The following SERPINB5 variants were observed in gnomAD, a reference collection of about 807,000 sequenced individuals.
The protein encoded by SERPINB5 is serpin family B member 5.
SERPINB5 carries 27 observed loss-of-function variants against 32.2 expected under a neutral mutation model. That is an observed-to-expected ratio of 0.84 (90% confidence interval 0.62 to 1.16). SERPINB5 has a LOEUF of 1.16. Among genes scored for constraint, SERPINB5 ranks in the 50% most tolerant of loss-of-function variants. The probability of loss-of-function intolerance (pLI) is 0.00; values close to 1 mark genes in which losing one functional copy is unlikely to be tolerated. For missense variants in SERPINB5, 388 were observed against 436.3 expected (o/e 0.89, Z 0.99); for synonymous variants, 154 against 157.4 (o/e 0.98, Z 0.16).
Position 63,504,199 on chromosome 18 carries a change from C to T in SERPINB5, c.*477C>T, listed in dbSNP as rs1909634233. 1 of 164,880 alleles carries T rather than the reference C, an allele frequency of 6.1e-6. No homozygotes were observed. The highest frequency in any genetic ancestry group is 1.3e-5 in the Non-Finnish European group (1 of 77,364). 10.2% of individuals were successfully genotyped at this position (164,880 alleles called of 1,614,324 possible). The stretch of plus-strand genomic sequence containing the variant: ...TGCCCTGGCTCCAGTGAAACTTGGG[C>T]ACATGCTCAGGCTACTATAGGTCCA... On this transcript the variant is annotated 3_prime_UTR_variant, in exon 7 of 7. Transcript: ENST00000382771.
In SERPINB5 at chr18:63,499,299, G is replaced by T. The variant is rs1397295276; in HGVS notation, c.735+12G>T. 1 of 1,533,196 alleles carries T rather than the reference G, an allele frequency of 6.5e-7. No homozygotes were observed. The highest frequency in any genetic ancestry group is 1.3e-5 in the South Asian group (1 of 78,208). 95.0% of individuals were successfully genotyped at this position (1,533,196 alleles called of 1,614,324 possible). The stretch of plus-strand genomic sequence containing the variant: ...CAGGCTTGGAGAAGGTAAGGAGAAG[G>T]CAGGTGCTCTCCACAAAGGCACCCC... On this transcript the variant is annotated intron_variant, in intron 6 of 6. Transcript: ENST00000382771.
At chr18:63,487,893 CA>C (rs1351513793) in intron 3 of SERPINB5, among the ~76,000 whole-genome samples, 1 of 152,000 alleles carries the variant, frequency 6.6e-6, no homozygotes, top group East Asian at 1.9e-4. Flanking sequence ...CAACTTTCTG[CA>C]GTAGGTATTT....
chr18:63,484,781 T>C (rs1208535020), intron 2 of SERPINB5, among the ~76,000 whole-genome samples, 185 bp downstream of exon 2: 1 of 104,766 alleles, frequency 9.5e-6, no homozygotes, highest in East Asian at 3.1e-4. Context: ...AGGGTCCCAC[T>C]CTGTCACCCA....
At chr18:63,503,089 C>T (rs1909602608) in intron 6 of SERPINB5, among the ~76,000 whole-genome samples, 1 of 152,022 alleles carries the variant, frequency 6.6e-6, no homozygotes, top group African/African-American at 2.4e-5. Context: ...AAAAACAGAA[C>T]CCTGTCCTCA....
Position 63,504,699 on chromosome 18 carries a change from C to A in SERPINB5, c.*977C>A, listed in dbSNP as rs1909642808. On this transcript the variant is annotated 3_prime_UTR_variant, in exon 7 of 7. Transcript: ENST00000382771. ...CAGGGATTCTCACAATAGCCGATAT[C>A]AGAATTTGTGTTGAAGGAACTTGTC... is the stretch of plus-strand genomic sequence containing the variant. 6.6e-6 allele frequency: 1 copy of A among 152,166 alleles called. No homozygotes were observed. The highest frequency in any genetic ancestry group is 1.5e-5 in the Non-Finnish European group (1 of 68,036). The allele number at this position is 152,166 out of a possible 1,614,324, so 9.4% of individuals were successfully genotyped here.
chr18:63,492,897 C>A, intron 4 of SERPINB5, 56 bp from the exon 5 acceptor site: 5 of 1,572,098 alleles, frequency 3.2e-6, no homozygotes, highest in Non-Finnish European at 4.3e-6. Context: ...ATGTGAATTT[C>A]AGATGTAGTT....
intron 4 of SERPINB5, among the ~76,000 whole-genome samples, chr18:63,492,285 C>G (rs1909358019): frequency 6.6e-6 from 1 of 152,150 alleles, no homozygotes; most frequent in South Asian, 2.1e-4. Context: ...GCAAGGAGTG[C>G]AATTGAGAGA....
Position 63,499,192 on chromosome 18 carries a change from T to G in SERPINB5, c.640T>G (p.Cys214Gly), listed in dbSNP as rs1417271880. 1.9e-6 allele frequency: 3 copies of G among 1,603,160 alleles called. No homozygotes were observed. Among genetic ancestry groups the G allele is most frequent in the Non-Finnish European group, 2.6e-6 (3 of 1,174,536 alleles). ...TATGGGAAACATTGACAGTATCAATTGTAAGATCATAGAGCTTCCTTTTCA... is the reference window on the plus strand; with the variant it reads ...TATGGGAAACATTGACAGTATCAATGGTAAGATCATAGAGCTTCCTTTTCA... The part of the protein sequence containing the change: ...FCMGNIDSIN[C>G]KIIELPFQNK... Residue 214 changes from cysteine to glycine, a missense_variant, in exon 6 of 7, where the codon TGT becomes GGT. By Grantham distance (159) the Cys-to-Gly change is radical. Transcript: ENST00000382771.
chr18:63,478,836 C>T (rs936404992), intron 1 of SERPINB5, among the ~76,000 whole-genome samples: 29 of 151,272 alleles, frequency 1.9e-4, no homozygotes, highest in Admixed American at 5.9e-4. Flanking sequence ...CTTGGCTCAC[C>T]GCAACCTCAC....
At position 63,489,444 on chromosome 18, in the gene SERPINB5, C is replaced by A; in HGVS notation, c.404C>A (p.Ser135Ter). Residue 135 changes from serine to a stop codon, truncating the protein, a stop_gained, in exon 4 of 7, where the codon TCA (serine) becomes TAA (stop). Coordinates refer to ENST00000382771, the MANE Select transcript of SERPINB5 (RefSeq NM_002639.5). LOFTEE classifies it high-confidence loss of function. ...LEETKGQINN[S>*]IKDLTDGHFE... ...GAAACGAAAGGTCAGATCAACAACTCAATTAAGGATCTCACAGATGGCAAG... is the reference window on the plus strand; with the variant it reads ...GAAACGAAAGGTCAGATCAACAACTAAATTAAGGATCTCACAGATGGCAAG... 1 of 1,608,112 alleles carries A rather than the reference C, an allele frequency of 6.2e-7. No homozygotes were observed. Among genetic ancestry groups the A allele is most frequent in the East Asian group, 2.2e-5 (1 of 44,744 alleles).
At chr18:63,502,166 T>C (rs372774468) in intron 6 of SERPINB5, among the ~76,000 whole-genome samples, 6 of 151,664 alleles carry the variant, frequency 4.0e-5, no homozygotes, top group Admixed American at 1.3e-4. Context: ...GATGGAGTCT[T>C]GCTCTGTCCC....
In SERPINB5 at chr18:63,497,091, C is replaced by T. The variant is rs111992052; in HGVS notation, c.568-2029C>T. Reference sequence around the variant, plus strand: ...TGCCTCCTTCTTGAATAGCCCAGAGCATTCATCTAAACAGCCTTCCTACAG... The same window carrying T: ...TGCCTCCTTCTTGAATAGCCCAGAGTATTCATCTAAACAGCCTTCCTACAG... On this transcript the variant is annotated intron_variant, in intron 5 of 6. Coordinates refer to ENST00000382771, the MANE Select transcript of SERPINB5 (RefSeq NM_002639.5). 1.7e-5 allele frequency: 10 copies of T among 597,132 alleles called. 1 individual carries two copies. Among genetic ancestry groups the T allele is most frequent in the South Asian group, 1.2e-4 (9 of 73,136 alleles). The allele number at this position is 597,132 out of a possible 1,614,324, so 37.0% of individuals were successfully genotyped here. A position where few individuals can be genotyped will look rare whatever the true frequency, so the allele number is the denominator to read the frequency against.
chr18:63,503,672 C>T lies in SERPINB5; in HGVS notation c.1078C>T (p.His360Tyr). Reference sequence around the variant, plus strand: ...CCATCCCTTTATTTACATCATCAGGCACAACAAAACTCGAAACATTATTTT... The same window carrying T: ...CCATCCCTTTATTTACATCATCAGGTACAACAAAACTCGAAACATTATTTT... ...ADHPFIYIIR[H>Y]NKTRNIIFFG... Residue 360 changes from histidine (H) to tyrosine (Y), a missense_variant, in exon 7 of 7, where the codon CAC (histidine) becomes TAC (tyrosine). By Grantham distance (83) the His-to-Tyr change is moderately conservative. Transcript: ENST00000382771. 1 of 1,614,182 alleles carries T rather than the reference C, an allele frequency of 6.2e-7. No individual in the cohort carries two copies. The highest frequency in any genetic ancestry group is 8.5e-7 in the Non-Finnish European group (1 of 1,180,010).
At chr18:63,486,696 T>G (rs1159863355) in intron 2 of SERPINB5, 1 of 343,964 alleles carries the variant, frequency 2.9e-6, no homozygotes, top group Non-Finnish European at 5.3e-6. Context: ...TTCTCACAAA[T>G]AGGAGGAGGA....
intron 5 of SERPINB5, chr18:63,497,035 G>A (rs1488474699): frequency 9.0e-6 from 5 of 558,008 alleles, no homozygotes; most frequent in Non-Finnish European, 1.4e-5. Context: ...CTGATCCGCT[G>A]TTGTACTAGG....
At chr18:63,482,446 T>C (rs1390835248) in intron 1 of SERPINB5, among the ~76,000 whole-genome samples, 2 of 152,168 alleles carry the variant, frequency 1.3e-5, no homozygotes, top group Non-Finnish European at 2.9e-5. Context: ...GGGGGAACAC[T>C]TCGAGTTTAA....
intron 4 of SERPINB5, among the ~76,000 whole-genome samples, chr18:63,492,299 G>A (rs753357664): frequency 1.2e-4 from 19 of 152,234 alleles, no homozygotes; most frequent in South Asian, 2.1e-4. Context: ...TGAGAGAGTG[G>A]ATGGAGAGCT....
chr18:63,499,573 C>T (rs960973139), intron 6 of SERPINB5, among the ~76,000 whole-genome samples: 3 of 152,134 alleles, frequency 2.0e-5, no homozygotes, highest in Non-Finnish European at 4.4e-5. Flanking sequence ...GAGACTGTTA[C>T]CACACTCTTG....
chr18:63,503,287 TG>T, intron 6 of SERPINB5, 42 bp from the exon 7 acceptor site: 1 of 1,554,996 alleles, frequency 6.4e-7, no homozygotes. Flanking sequence ...CTTTTACAGT[TG>T]GAAATAAATA....
Sources: gnomAD v4.1 joint callset for allele counts (sites outside exome capture counted in the v4.1 genomes callset) on GRCh38, gnomAD v4.1.1 for gene constraint, MANE v1.5 for transcripts, NCBI Gene and HGNC (gene_info 2026-07-23, HGNC 2026-07-21) for gene names.